KATNAL2: variants seen among roughly 807,000 people sequenced by gnomAD.
KATNAL2 encodes the protein katanin p60 ATPase-containing subunit A-like 2.
In KATNAL2, 52 loss-of-function variants were observed where a neutral mutation model predicts 76.3. The observed-to-expected ratio is 0.68, with a 90% CI of 0.55 to 0.86. KATNAL2 has a LOEUF of 0.86. KATNAL2 is among the 40% of genes least tolerant of loss of function. KATNAL2 has a pLI of 0.00. For missense variants in KATNAL2, 660 were observed against 668.9 expected, an observed-to-expected ratio of 0.99 and a Z score of 0.15; for synonymous variants, 243 against 244.2, an observed-to-expected ratio of 1.00 and a Z score of 0.05.
At chr18:46,932,577 G>A (rs907739564) in intron 1 of KATNAL2, among the ~76,000 whole-genome samples, 11 of 147,442 alleles carry the variant, frequency 7.5e-5, no homozygotes, top group African/African-American at 2.3e-4. Flanking sequence ...AGGAGGCTGA[G>A]GCATGAGAAT....
At chr18:47,035,405 G>A (rs1599594868) in intron 3 of KATNAL2, 2 of 1,492,244 alleles carry the variant, frequency 1.3e-6, no homozygotes, top group Non-Finnish European at 1.8e-6. Context: ...ACAGCCTGGA[G>A]CGAGCTGGGT....
intron 13 of KATNAL2, among the ~76,000 whole-genome samples, chr18:47,071,691 G>A (rs1298767280): frequency 6.6e-6 from 1 of 151,950 alleles, no homozygotes; most frequent in Admixed American, 6.6e-5. Flanking sequence ...AGACAGAAGA[G>A]GAAACTCAGG....
rs757369822 is a variant in KATNAL2 at position 47,099,326 on chromosome 18, T to C, written c.1295T>C (p.Ile432Thr). 43 of 1,614,032 alleles carry C rather than the reference T, an allele frequency of 2.7e-5. No homozygotes were observed. The highest frequency in any genetic ancestry group is 1.6e-4 in the Middle Eastern group (1 of 6,084). The change falls in exon 16 of 18, where the codon ATC becomes ACC. Residue 432 changes from isoleucine to threonine, a missense_variant. Physicochemically the swap from Ile to Thr is moderately conservative, Grantham distance 89 (BLOSUM62 -1). Transcript: ENST00000683218. Reference sequence around the variant, plus strand: ...AGCCGGGAGGCCAGGCAGGCCATGATCTACCACTGGCTGCCTCCTGTGAGC... The same window carrying C: ...AGCCGGGAGGCCAGGCAGGCCATGACCTACCACTGGCTGCCTCCTGTGAGC... ...LPSREARQAM[I>T]YHWLPPVSKS... is the part of the protein sequence containing the mutation.
intron 3 of KATNAL2, among the ~76,000 whole-genome samples, chr18:47,041,160 A>G (rs142865316): frequency 6.6e-6 from 1 of 152,304 alleles, no homozygotes; most frequent in African/African-American, 2.4e-5. Flanking sequence ...TCAACATCCC[A>G]AAATACAGTG....
At chr18:47,044,203 GA>G (rs911187853) in intron 3 of KATNAL2, among the ~76,000 whole-genome samples, 3 of 149,232 alleles carry the variant, frequency 2.0e-5, no homozygotes, top group Non-Finnish European at 4.5e-5. Context: ...TAGCTGATGA[GA>G]AAAAAAAAGC....
At chr18:47,078,076 G>A (rs2062325136) in intron 15 of KATNAL2, among the ~76,000 whole-genome samples, 2 of 152,146 alleles carry the variant, frequency 1.3e-5, no homozygotes, top group Admixed American at 6.5e-5. Context: ...TTCTGAGAAT[G>A]TTTTCACATA....
chr18:46,926,937 G>C (rs1469731745), intron 1 of KATNAL2, among the ~76,000 whole-genome samples: 1 of 152,068 alleles, frequency 6.6e-6, no homozygotes, highest in Non-Finnish European at 1.5e-5. Flanking sequence ...CCATTTGCTT[G>C]GTAGATCTTC....
At chr18:46,956,215 C>A (rs145583968) in intron 3 of KATNAL2, among the ~76,000 whole-genome samples, 6 of 152,248 alleles carry the variant, frequency 3.9e-5, no homozygotes, top group East Asian at 1.9e-4. Flanking sequence ...TTGGTTTTCA[C>A]CGATTAACAG....
At chr18:47,042,943 G>A (rs1329953511) in intron 3 of KATNAL2, among the ~76,000 whole-genome samples, 4 of 152,256 alleles carry the variant, frequency 2.6e-5, no homozygotes, top group African/African-American at 9.6e-5. Context: ...AAATGAGATC[G>A]TAGGCTGGGC....
chr18:46,925,581 G>A (rs1371329002), intron 1 of KATNAL2, among the ~76,000 whole-genome samples: 1 of 152,170 alleles, frequency 6.6e-6, no homozygotes, highest in African/African-American at 2.4e-5. Flanking sequence ...TTGGTGTCAG[G>A]ATGATGCTGG....
At chr18:47,061,909 G>T (rs142290241) in intron 8 of KATNAL2, among the ~76,000 whole-genome samples, 9 of 151,874 alleles carry the variant, frequency 5.9e-5, no homozygotes, top group South Asian at 2.1e-4. Context: ...CTACCTCTAG[G>T]GGGGACAGGG....
Position 46,946,140 on chromosome 18 carries a change from G to A in KATNAL2, c.-426G>A. The A allele has an allele frequency of 1.2e-6, 1 of 811,280 alleles. No homozygotes were observed. The highest frequency in any genetic ancestry group is 1.5e-6 in the Non-Finnish European group (1 of 666,408). 50.3% of individuals were successfully genotyped at this position (811,280 alleles called of 1,614,324 possible). A position where few individuals can be genotyped will look rare whatever the true frequency, so the allele number is the denominator to read the frequency against. On this transcript the variant is annotated 5_prime_UTR_variant, in exon 2 of 18. It removes an upstream start codon present in the reference 5' UTR. Transcript: ENST00000683218. ...GATGAAGAAGACCGAAGATAATGAT[G>A]AAGGGATAATTTGGAATAGGATTCA...
chr18:47,060,071 A>C (rs1013615260), intron 8 of KATNAL2, among the ~76,000 whole-genome samples: 1 of 150,262 alleles, frequency 6.7e-6, no homozygotes, highest in Non-Finnish European at 1.5e-5. Context: ...ATCATGGCTC[A>C]CTGCAGCCTC....
Position 47,087,799 on chromosome 18 carries a change from A to C in KATNAL2, c.1211+10338A>C, listed in dbSNP as rs559130701. 4.6e-5 allele frequency among the ~76,000 whole-genome samples: 7 copies of C among 151,228 alleles called. No homozygotes were observed. The East Asian group carries it at 9.7e-4, about 21-fold the overall frequency. On this transcript the variant is annotated intron_variant, in intron 15 of 17. Coordinates refer to ENST00000683218, the MANE Select transcript of KATNAL2 (RefSeq NM_001387690.1). ...GTGTGTGTGTAGAGCACATACACAG[A>C]GCAACAAAAATGCGTTGTCCTGTAG...
chr18:47,034,498 G>A, intron 3 of KATNAL2: 4 of 1,614,182 alleles, frequency 2.5e-6, no homozygotes, highest in South Asian at 2.2e-5. Flanking sequence ...TCTTAAGCAG[G>A]CCCCGCATGA....
chr18:47,089,890 G>C (rs2062925129), intron 15 of KATNAL2, among the ~76,000 whole-genome samples: 1 of 152,218 alleles, frequency 6.6e-6, no homozygotes. Flanking sequence ...GGTCAGTCAT[G>C]TGTTCAAGTA....
chr18:47,061,659 G>A (rs187599543), intron 8 of KATNAL2, among the ~76,000 whole-genome samples: 5 of 152,260 alleles, frequency 3.3e-5, no homozygotes, highest in Non-Finnish European at 2.9e-5. Flanking sequence ...AGCCTGTCTA[G>A]ATTCAAAACC....
chr18:47,095,689 A>G (rs1055381756), intron 15 of KATNAL2, among the ~76,000 whole-genome samples: 2 of 152,262 alleles, frequency 1.3e-5, no homozygotes, highest in Non-Finnish European at 2.9e-5. Context: ...GAAGGATAAC[A>G]TATTTTTGTG....
intron 15 of KATNAL2, among the ~76,000 whole-genome samples, chr18:47,078,770 G>A (rs1307708545): frequency 1.3e-5 from 2 of 152,086 alleles, no homozygotes; most frequent in Non-Finnish European, 1.5e-5. Context: ...GTGCTGTTTC[G>A]ATTTTCCTAA....
Sources: allele counts gnomAD v4.1 joint callset (sites outside exome capture counted in the v4.1 genomes callset), GRCh38; gene constraint gnomAD v4.1.1; transcripts MANE v1.5; gene names NCBI Gene and HGNC (gene_info 2026-07-23, HGNC 2026-07-21).